Variants in SRP72 observed in about 807,000 individuals in gnomAD.
The protein encoded by SRP72 is signal recognition particle subunit SRP72.
SRP72 carries 49 observed loss-of-function variants against 96.3 expected under a neutral mutation model. That is an observed-to-expected ratio of 0.51 (90% confidence interval 0.40 to 0.65). The LOEUF (loss-of-function observed/expected upper bound fraction) is 0.65, where lower values mean the gene tolerates loss of function less well. SRP72 is among the 30% of genes least tolerant of loss of function. The pLI is 0.00. For synonymous variants in SRP72, 267 were observed against 275.2 expected (o/e 0.97, Z 0.30); for missense variants, 736 against 793.3 (o/e 0.93, Z 0.87).
intron 18 of SRP72, 110 bp from the exon 19 acceptor site, chr4:56,501,574 A>G: frequency 1.1e-6 from 1 of 922,376 alleles, no homozygotes; most frequent in South Asian, 1.9e-5. Context: ...AAAGAAGTAG[A>G]AAATGTGTGG....
At chr4:56,488,182 T>C (rs1720785717) in intron 12 of SRP72, among the ~76,000 whole-genome samples, 169 bp downstream of exon 12, 1 of 152,204 alleles carries the variant, frequency 6.6e-6, no homozygotes, top group African/African-American at 2.4e-5. Flanking sequence ...TCTGCTCTGG[T>C]ATTGGTTTCT....
At chr4:56,477,021 T>C (rs1720252903) in intron 6 of SRP72, 1 of 237,504 alleles carries the variant, frequency 4.2e-6, no homozygotes, top group Non-Finnish European at 8.0e-6. Context: ...ATATTTCTTA[T>C]GTAGTGACAT....
chr4:56,489,281 A>G lies in SRP72; in HGVS notation c.1225-107A>G, dbSNP rs1194349162. ...GAGTAGCTTTTATGATAAATCAGGT[A>G]TTAGCGGAGAGCCTTTATTTGCTAT... On this transcript the variant is annotated intron_variant, in intron 12 of 18. Coordinates refer to ENST00000642900, the MANE Select transcript of SRP72 (RefSeq NM_006947.4). 8.0e-6 allele frequency: 4 copies of G among 496,982 alleles called. No homozygotes were observed. In the Admixed American group the frequency reaches 1.4e-4, roughly 17 times the overall value. The allele number at this position is 496,982 out of a possible 1,614,324, so 30.8% of individuals were successfully genotyped here. A position where few individuals can be genotyped will look rare whatever the true frequency, so the allele number is the denominator to read the frequency against.
intron 8 of SRP72, among the ~76,000 whole-genome samples, chr4:56,479,235 A>C (rs1325840692): frequency 1.3e-5 from 2 of 152,042 alleles, no homozygotes; most frequent in African/African-American, 4.8e-5. Flanking sequence ...ACTGGAGTGC[A>C]GTGACACGAT....
chr4:56,495,525 G>A (rs1208297239), intron 17 of SRP72, 131 bp downstream of exon 17: 1 of 501,454 alleles, frequency 2.0e-6, no homozygotes. Context: ...CTTGACTATA[G>A]CTAACATTTA....
chr4:56,474,289 G>T lies in SRP72; in HGVS notation c.508G>T (p.Gly170Cys), dbSNP rs1185551538. 6.2e-7 allele frequency: 1 copy of T among 1,613,650 alleles called. No homozygotes were observed. The highest frequency in any genetic ancestry group is 8.5e-7 in the Non-Finnish European group (1 of 1,179,858). Residue 170 changes from glycine to cysteine, a missense_variant, in exon 5 of 19, where the codon GGC (glycine) becomes TGC (cysteine). Physicochemically the swap from Gly to Cys is radical, Grantham distance 159. Coordinates refer to ENST00000642900, the MANE Select transcript of SRP72 (RefSeq NM_006947.4). Reference protein sequence around the residue: ...NWEKVVPENLGLQEGTHELCY... With the variant: ...NWEKVVPENLCLQEGTHELCY... ...TTTTGTCCCCTGACAGGAGAACCTG[G>T]GCCTCCAAGAAGGCACACATGAGCT...
At chr4:56,494,156 A>G (rs573145775) in intron 16 of SRP72, among the ~76,000 whole-genome samples, 8 of 144,630 alleles carry the variant, frequency 5.5e-5, no homozygotes, top group African/African-American at 1.5e-4. Context: ...TTGTAGGGAG[A>G]CAATTTAGAA....
intron 3 of SRP72, among the ~76,000 whole-genome samples, chr4:56,472,109 TAGAA>T (rs2110112118): frequency 6.6e-6 from 1 of 152,360 alleles, no homozygotes; most frequent in African/African-American, 2.4e-5. Context: ...ACTTTTGAGT[TAGAA>T]AGATGAAGCA....
At position 56,491,404 on chromosome 4, in the gene SRP72, T is replaced by G. The variant is rs1274520382; in HGVS notation, c.1503-27T>G. 3.7e-6 allele frequency: 6 copies of G among 1,608,916 alleles called. No homozygotes were observed. In the Admixed American group the frequency reaches 8.4e-5, roughly 22 times the overall value. On this transcript the variant is annotated intron_variant, in intron 15 of 18. Transcript: ENST00000642900. Reference sequence around the variant, plus strand: ...TAAATGTGTGTGTTTGTGTATATTATGTTCCTGAACTCCTGTTCTATCACA... The same window carrying G: ...TAAATGTGTGTGTTTGTGTATATTAGGTTCCTGAACTCCTGTTCTATCACA...
chr4:56,479,021 A>G (rs902930148), intron 8 of SRP72, among the ~76,000 whole-genome samples: 16 of 152,212 alleles, frequency 1.1e-4, no homozygotes, highest in South Asian at 4.1e-4. Flanking sequence ...TGTTCTTTAT[A>G]TAATTTTCTC....
Position 56,501,946 on chromosome 4 carries a change from G to C in SRP72, c.*85G>C. The C allele has an allele frequency of 7.5e-7, 1 of 1,333,178 alleles. No homozygotes were observed. Among genetic ancestry groups the C allele is most frequent in the Non-Finnish European group, 1.1e-6 (1 of 938,234 alleles). The allele number at this position is 1,333,178 out of a possible 1,614,324, so 82.6% of individuals were successfully genotyped here. A position where few individuals can be genotyped will look rare whatever the true frequency, so the allele number is the denominator to read the frequency against. ...TAAAGGTAACACAGCAAGAAGCACA[G>C]AACTACTCCCTCTTCATCTCCATAT... On this transcript the variant is annotated 3_prime_UTR_variant, in exon 19 of 19. Transcript: ENST00000642900.
At chr4:56,475,403 A>ATATAT (rs1553945338) in intron 5 of SRP72, among the ~76,000 whole-genome samples, 29,427 of 150,852 alleles carry the variant, frequency 0.2, 3,203 homozygotes, top group Admixed American at 0.34. Context: ...ACAAAAAAAA[A>ATATAT]ATATATATGT....
chr4:56,478,482 A>G lies in SRP72; in HGVS notation c.746A>G (p.Tyr249Cys), dbSNP rs953480192. The G allele has an allele frequency of 7.4e-6, 12 of 1,613,934 alleles. No individual in the cohort carries two copies. The highest frequency in any genetic ancestry group is 1.7e-5 in the Admixed American group (1 of 59,992). Residue 249 changes from tyrosine (Y) to cysteine (C), a missense_variant, in exon 7 of 19, where the codon TAC becomes TGC. By Grantham distance (194) the Tyr-to-Cys change is radical (BLOSUM62 -2). This residue lies in a region of SRP72 where 329 missense variants were observed against 319.0 expected (regional missense o/e 1.03). Transcript: ENST00000642900. ...CGAACAGAGGAGGCTTTGCAACTTT[A>G]CAATCAAATAATAAAACTAAAGTGA... Reference protein sequence around the residue: ...QGRTEEALQLYNQIIKLKPTD... With the variant: ...QGRTEEALQLCNQIIKLKPTD...
rs1263760367 is a variant in SRP72, at chr4:56,491,423, T to C, written c.1503-8T>C. 1.9e-6 allele frequency: 3 copies of C among 1,612,610 alleles called. No homozygotes were observed. Among genetic ancestry groups the C allele is most frequent in the Admixed American group, 1.7e-5 (1 of 59,920 alleles). ...ATATTATGTTCCTGAACTCCTGTTC[T>C]ATCACAGTCTTAGTAAACACTTGCC... On this transcript the variant is annotated splice_polypyrimidine_tract_variant and splice_region_variant and intron_variant, in intron 15 of 18. Coordinates refer to ENST00000642900, the MANE Select transcript of SRP72 (RefSeq NM_006947.4).
At chr4:56,491,651 T>C (rs1720912389) in intron 16 of SRP72, 83 bp downstream of exon 16, 2 of 1,371,162 alleles carry the variant, frequency 1.5e-6, no homozygotes, top group African/African-American at 1.4e-5. Flanking sequence ...AGAAATTTCA[T>C]GTGAATAAAG....
chr4:56,469,593 T>C, intron 1 of SRP72, 60 bp from the exon 2 acceptor site: 1 of 1,461,694 alleles, frequency 6.8e-7, no homozygotes. Flanking sequence ...TGGGAAAATT[T>C]AGTAAAAATG....
At chr4:56,493,480 T>G (rs374744915) in intron 16 of SRP72, among the ~76,000 whole-genome samples, 1 of 152,228 alleles carries the variant, frequency 6.6e-6, no homozygotes. Context: ...CTAACTTGGA[T>G]GCAAAGGTTT....
chr4:56,476,922 A>G, intron 6 of SRP72: 4 of 494,712 alleles, frequency 8.1e-6, no homozygotes, highest in Non-Finnish European at 1.4e-5. Context: ...GCACTTGATT[A>G]TACATTTATA....
chr4:56,478,868 C>CTT (rs1720355310), intron 8 of SRP72, among the ~76,000 whole-genome samples: 1 of 152,160 alleles, frequency 6.6e-6, no homozygotes, highest in Non-Finnish European at 1.5e-5. Context: ...AGACCCTAGA[C>CTT]TTTAAGATCC....
Sources: allele counts gnomAD v4.1 joint callset (sites outside exome capture counted in the v4.1 genomes callset), GRCh38; gene constraint gnomAD v4.1.1; regional missense constraint gnomAD v4.1.1; transcripts MANE v1.5; gene names NCBI Gene and HGNC (gene_info 2026-07-23, HGNC 2026-07-21).